The following CIMIP7 variants were observed in gnomAD, a reference collection of about 807,000 sequenced individuals.
The protein encoded by CIMIP7 is ciliary microtubule inner protein 7.
chr3:49,185,246 G>C, the CIMIP7 span, among the ~76,000 whole-genome samples: 11 of 146,402 alleles, frequency 7.5e-5, no homozygotes, highest in African/African-American at 2.5e-4. Context: ...AGGTGACAGA[G>C]CAAGACTCTG....
chr3:49,191,243 A>G, the CIMIP7 span, among the ~76,000 whole-genome samples: 2 of 152,154 alleles, frequency 1.3e-5, no homozygotes, highest in East Asian at 3.9e-4. Flanking sequence ...AGAAAGCCTC[A>G]TATCTTTCCA....
At chr3:49,182,981 TC>T in the CIMIP7 span, among the ~76,000 whole-genome samples, 1 of 151,936 alleles carries the variant, frequency 6.6e-6, no homozygotes, top group African/African-American at 2.4e-5. Flanking sequence ...CAGCCCCAGT[TC>T]CCCCTCTGGC....
At chr3:49,181,650 A>G in the CIMIP7 span, among the ~76,000 whole-genome samples, 1 of 152,202 alleles carries the variant, frequency 6.6e-6, no homozygotes, top group Non-Finnish European at 1.5e-5. Flanking sequence ...GGGAGAAAAT[A>G]TTTATAAACC....
At chr3:49,179,908 C>T in the CIMIP7 span, among the ~76,000 whole-genome samples, 2 of 152,154 alleles carry the variant, frequency 1.3e-5, no homozygotes, top group Admixed American at 6.5e-5. Context: ...GAGGCCGAGG[C>T]GGGTGGATCA....
chr3:49,190,998 G>T, the CIMIP7 span, among the ~76,000 whole-genome samples: 4 of 152,114 alleles, frequency 2.6e-5, no homozygotes, highest in Non-Finnish European at 4.4e-5. Flanking sequence ...GAACTGTCAG[G>T]AGACAGAAAT....
At chr3:49,183,655 G>A in the CIMIP7 span, among the ~76,000 whole-genome samples, 12 of 152,082 alleles carry the variant, frequency 7.9e-5, no homozygotes, top group South Asian at 8.3e-4. Context: ...ACTCTGTCTC[G>A]AAAACAAAAC....
the CIMIP7 span, among the ~76,000 whole-genome samples, chr3:49,182,547 C>G: frequency 3.3e-5 from 5 of 152,340 alleles, no homozygotes; most frequent in South Asian, 1.0e-3. Flanking sequence ...AATCCCTTAG[C>G]TAGACATAAA....
the CIMIP7 span, among the ~76,000 whole-genome samples, chr3:49,184,665 C>T: frequency 1.4e-5 from 2 of 142,070 alleles, no homozygotes; most frequent in African/African-American, 5.3e-5. Flanking sequence ...GTCTTGCTCT[C>T]TTACCTAGGC....
At chr3:49,190,128 C>G in the CIMIP7 span, 1 of 1,602,504 alleles carries the variant, frequency 6.2e-7, no homozygotes, top group Non-Finnish European at 8.5e-7. Context: ...CCCATAGAAG[C>G]CATTGTTGTG....
At chr3:49,190,032 C>T in the CIMIP7 span, 13 of 1,613,240 alleles carry the variant, frequency 8.1e-6, no homozygotes, top group African/African-American at 4.0e-5. Flanking sequence ...TACCTGACAT[C>T]GCTGCAGGAA....
At chr3:49,178,499 G>A in the CIMIP7 span, 11 of 1,613,542 alleles carry the variant, frequency 6.8e-6, no homozygotes, top group Non-Finnish European at 8.5e-6. Context: ...AAGGAAGTAC[G>A]GTTGTCGTGC....
the CIMIP7 span, among the ~76,000 whole-genome samples, chr3:49,191,368 T>C: frequency 6.6e-6 from 1 of 152,214 alleles, no homozygotes; most frequent in Non-Finnish European, 1.5e-5. Flanking sequence ...CTTCCAGGCG[T>C]GGGGCTGAGC....
At chr3:49,177,774 C>T in the CIMIP7 span, 6 of 1,610,716 alleles carry the variant, frequency 3.7e-6, no homozygotes, top group African/African-American at 1.3e-5. Context: ...GGGGCCCTAC[C>T]TTGTAGCTGC....
the CIMIP7 span, chr3:49,190,157 GA>G: frequency 6.4e-7 from 1 of 1,560,942 alleles, no homozygotes; most frequent in East Asian, 2.3e-5. Flanking sequence ...AGACAGGAAT[GA>G]GGATAAAACT....
At chr3:49,177,950 G>T in the CIMIP7 span, 1 of 1,613,646 alleles carries the variant, frequency 6.2e-7, no homozygotes, top group Non-Finnish European at 8.5e-7. Context: ...CCCTGCTGGC[G>T]CAACTCTATC....
chr3:49,178,202 T>C, the CIMIP7 span: 1 of 760,120 alleles, frequency 1.3e-6, no homozygotes. Context: ...TCCCCAGTGA[T>C]GTCTTTCATT....
At chr3:49,177,827 AG>A in the CIMIP7 span, 1 of 1,613,084 alleles carries the variant, frequency 6.2e-7, no homozygotes, top group Non-Finnish European at 8.5e-7. Flanking sequence ...TTCTGCTGGT[AG>A]GTGGTCCTGG....
the CIMIP7 span, among the ~76,000 whole-genome samples, chr3:49,180,043 C>A: frequency 1.3e-5 from 2 of 152,120 alleles, no homozygotes; most frequent in Admixed American, 1.3e-4. Flanking sequence ...GAGGCCGAGG[C>A]GGACAGATCA....
the CIMIP7 span, among the ~76,000 whole-genome samples, chr3:49,189,151 T>A: frequency 6.6e-6 from 1 of 152,112 alleles, no homozygotes; most frequent in Admixed American, 6.6e-5. Flanking sequence ...GTATTTTTAG[T>A]AGAGATGGGG....
Sources: gnomAD v4.1 joint callset for allele counts (sites outside exome capture counted in the v4.1 genomes callset) on GRCh38, gnomAD v4.1.1 for gene constraint, MANE v1.5 for transcripts, NCBI Gene and HGNC (gene_info 2026-07-23, HGNC 2026-07-21) for gene names.